The following SPAG16 variants were observed in gnomAD, a reference collection of about 807,000 sequenced individuals.
The protein encoded by SPAG16 is sperm-associated antigen 16 protein.
Under a neutral mutation model 80.4 loss-of-function variants are expected in SPAG16, and 86 were observed. The ratio of observed to expected loss-of-function variants is 1.07; its 90% CI spans 0.90 to 1.28. The LOEUF (loss-of-function observed/expected upper bound fraction) is 1.28, where lower values mean the gene tolerates loss of function less well. Ranked by LOEUF, SPAG16 falls within the 50% of genes most tolerant of loss-of-function variation. The pLI, the probability that SPAG16 is intolerant of heterozygous loss-of-function variation, is 0.00. For synonymous variants in SPAG16, 294 were observed against 265.9 expected, an observed-to-expected ratio of 1.11 and a Z score of -1.03; for missense variants, 870 against 765.3, an observed-to-expected ratio of 1.14 and a Z score of -1.61.
At chr2:214,073,232 C>CTTTT (rs67988930) in intron 13 of SPAG16, among the ~76,000 whole-genome samples, 2 of 141,068 alleles carry the variant, frequency 1.4e-5, no homozygotes, top group Non-Finnish European at 3.1e-5. Flanking sequence ...GAAATTTTTT[C>CTTTT]TTTTTTTTTT....
At position 214,158,363 on chromosome 2, in the gene SPAG16, T is replaced by TA. The variant is rs751727158; in HGVS notation, c.1720+9102dup. 3.8e-4 allele frequency among the ~76,000 whole-genome samples: 58 copies of TA among 152,084 alleles called. 1 individual carries two copies. The highest frequency in any genetic ancestry group is 7.2e-4 in the Non-Finnish European group (49 of 67,912). ...TCCAAAACAGAAATAAAATTTGATA[T>TA]AAAAATATTATTTAAAAATTGAGCC... On this transcript the variant is annotated intron_variant, in intron 15 of 15. Transcript: ENST00000331683.
chr2:213,761,270 A>C (rs1252644861), intron 10 of SPAG16, among the ~76,000 whole-genome samples: 2 of 152,190 alleles, frequency 1.3e-5, no homozygotes, highest in Non-Finnish European at 2.9e-5. Context: ...GGGATGAGGA[A>C]ACAGTGCTAA....
chr2:213,990,766 T>G (rs549919294), intron 12 of SPAG16, among the ~76,000 whole-genome samples: 156 of 152,214 alleles, frequency 1.0e-3, no homozygotes, highest in African/African-American at 3.7e-3. Flanking sequence ...TGGACTCATG[T>G]AGTTTAAACC....
At chr2:214,163,046 G>A (rs527495062) in intron 15 of SPAG16, among the ~76,000 whole-genome samples, 1 of 152,102 alleles carries the variant, frequency 6.6e-6, no homozygotes, top group African/African-American at 2.4e-5. Flanking sequence ...GACTGCTTGA[G>A]ATCTCAGTTT....
intron 11 of SPAG16, among the ~76,000 whole-genome samples, chr2:213,924,927 G>T (rs2078397734): frequency 6.6e-6 from 1 of 151,500 alleles, no homozygotes; most frequent in African/African-American, 2.4e-5. Context: ...TTTTCTTTTA[G>T]ATATATTAGA....
intron 10 of SPAG16, among the ~76,000 whole-genome samples, chr2:213,677,433 C>A (rs1451136917): frequency 6.6e-6 from 1 of 151,668 alleles, no homozygotes; most frequent in African/African-American, 2.4e-5. Flanking sequence ...ATCTACCAAG[C>A]AAATGGAAAA....
At chr2:213,611,710 T>C (rs2061444990) in intron 10 of SPAG16, among the ~76,000 whole-genome samples, 1 of 152,162 alleles carries the variant, frequency 6.6e-6, no homozygotes, top group African/African-American at 2.4e-5. Context: ...CTTATACATA[T>C]CAAGTTATTA....
chr2:213,972,710 A>G (rs189822409), intron 12 of SPAG16, among the ~76,000 whole-genome samples: 1 of 152,300 alleles, frequency 6.6e-6, no homozygotes, highest in East Asian at 1.9e-4. Flanking sequence ...CTTAAAATTA[A>G]CCATCACAGA....
chr2:213,529,221 T>A (rs2075986436), intron 10 of SPAG16, among the ~76,000 whole-genome samples: 1 of 152,222 alleles, frequency 6.6e-6, no homozygotes, highest in South Asian at 2.1e-4. Context: ...GTTTTTAACA[T>A]GATCAATGCA....
At chr2:214,211,154 T>A (rs1340871470) in intron 15 of SPAG16, among the ~76,000 whole-genome samples, 2 of 152,156 alleles carry the variant, frequency 1.3e-5, no homozygotes, top group Non-Finnish European at 2.9e-5. Context: ...ATAATTATTT[T>A]TAGTAAAGAG....
intron 14 of SPAG16, among the ~76,000 whole-genome samples, chr2:214,136,436 A>G (rs754521246): frequency 1.2e-4 from 18 of 152,310 alleles, no homozygotes; most frequent in Non-Finnish European, 2.5e-4. Flanking sequence ...ATGAGATAGT[A>G]CATATAAATC....
chr2:213,884,679 G>A (rs1412005094), intron 11 of SPAG16, among the ~76,000 whole-genome samples: 7 of 152,126 alleles, frequency 4.6e-5, no homozygotes, highest in South Asian at 2.1e-4. Flanking sequence ...TTTCTCAGAG[G>A]TTTTGTTCAT....
chr2:213,743,267 T>C (rs958311351), intron 10 of SPAG16, among the ~76,000 whole-genome samples: 40 of 152,244 alleles, frequency 2.6e-4, no homozygotes, highest in African/African-American at 9.2e-4. Flanking sequence ...CTAAAATGTA[T>C]GTTCTGAATA....
At position 213,653,137 on chromosome 2, in the gene SPAG16, A is replaced by G. The variant is rs142444591; in HGVS notation, c.1070+163047A>G. Among the ~76,000 whole-genome samples the G allele has an allele frequency of 2.0e-5, 3 of 152,270 alleles. No individual in the cohort carries two copies. In the East Asian group the frequency reaches 5.8e-4, roughly 29 times the overall value. On this transcript the variant is annotated intron_variant, in intron 10 of 15. Coordinates refer to ENST00000331683, the MANE Select transcript of SPAG16 (RefSeq NM_024532.5). Reference sequence around the variant, plus strand: ...AAGTCTTTTTTTACAGCTCCGGGATATGGATAGGTGTTTCAAACACCATTC... The same window carrying G: ...AAGTCTTTTTTTACAGCTCCGGGATGTGGATAGGTGTTTCAAACACCATTC...
intron 9 of SPAG16, among the ~76,000 whole-genome samples, chr2:213,386,794 C>G (rs965787135): frequency 1.3e-5 from 2 of 152,040 alleles, no homozygotes; most frequent in African/African-American, 4.8e-5. Context: ...AGTTTTTTAG[C>G]CAATCAGTGG....
At position 214,328,074 on chromosome 2, in the gene SPAG16, A is replaced by C. The variant is rs540091316; in HGVS notation, c.1721-82066A>C. Among the ~76,000 whole-genome samples the C allele has an allele frequency of 1.2e-4, 18 of 152,276 alleles. No individual in the cohort carries two copies. In the South Asian group the frequency reaches 3.3e-3, roughly 28 times the overall value. ...AAAAATAAAGAGATGCTTTTTGTCTAGGTTAAACTTGATTTCATTCTGAAC... is the reference window on the plus strand; with the variant it reads ...AAAAATAAAGAGATGCTTTTTGTCTCGGTTAAACTTGATTTCATTCTGAAC... On this transcript the variant is annotated intron_variant, in intron 15 of 15. Coordinates refer to ENST00000331683, the MANE Select transcript of SPAG16 (RefSeq NM_024532.5).
At chr2:214,387,877 C>A (rs1177282038) in intron 15 of SPAG16, among the ~76,000 whole-genome samples, 3 of 152,146 alleles carry the variant, frequency 2.0e-5, no homozygotes, top group African/African-American at 7.2e-5. Context: ...GTCTCTCCCA[C>A]AGCACGTGTG....
At chr2:213,583,383 A>G (rs1487490561) in intron 10 of SPAG16, among the ~76,000 whole-genome samples, 1 of 152,190 alleles carries the variant, frequency 6.6e-6, no homozygotes, top group East Asian at 1.9e-4. Flanking sequence ...TTTCCTTTAA[A>G]TAGTCATTGT....
At chr2:213,428,286 G>A (rs781322303) in intron 9 of SPAG16, among the ~76,000 whole-genome samples, 9 of 152,140 alleles carry the variant, frequency 5.9e-5, no homozygotes, top group Non-Finnish European at 8.8e-5. Context: ...CTGGGGAGCC[G>A]TACAATCCAG....
Sources: gnomAD v4.1 joint callset for allele counts (sites outside exome capture counted in the v4.1 genomes callset) on GRCh38, gnomAD v4.1.1 for gene constraint, MANE v1.5 for transcripts, NCBI Gene and HGNC (gene_info 2026-07-23, HGNC 2026-07-21) for gene names.